The following SRRM2 variants were observed in gnomAD, a reference collection of about 807,000 sequenced individuals.
SRRM2 encodes serine/arginine repetitive matrix 2, also known as serine/arginine repetitive matrix protein 2.
SRRM2 carries 30 observed loss-of-function variants against 213.8 expected under a neutral mutation model. The observed-to-expected ratio is 0.14, with a 90% confidence interval of 0.10 to 0.19. The LOEUF (loss-of-function observed/expected upper bound fraction) is 0.19, where lower values mean the gene tolerates loss of function less well. Ranked by LOEUF, SRRM2 falls within the 10% of genes least tolerant of loss-of-function variation. SRRM2 has a pLI of 1.00. For missense variants in SRRM2, 4,904 were observed against 3,647.0 expected, an observed-to-expected ratio of 1.34 and a Z score of -8.88; for synonymous variants, 2,025 against 1,377.7, an observed-to-expected ratio of 1.47 and a Z score of -10.40.
rs1237409200 is a variant in SRRM2, at chr16:2,757,887, C to G, written c.457C>G (p.Pro153Ala). The change falls in exon 4 of 15, where the codon CCT (proline) becomes GCT (alanine). Residue 153 changes from proline (P) to alanine (A), a missense_variant. By Grantham distance (27) the Pro-to-Ala change is conservative. Transcript: ENST00000301740. ...TTACGTAGATGGCAGCTCTTTTGAT[C>G]CTCAGCGTCGTGCCCGAGAAGCTAA... is the stretch of plus-strand genomic sequence containing the variant. ...DSYVDGSSFD[P>A]QRRAREAKQP... is the part of the protein sequence containing the mutation. 2 of 1,614,052 alleles carry G rather than the reference C, an allele frequency of 1.2e-6. No individual in the cohort carries two copies. The highest frequency in any genetic ancestry group is 1.7e-6 in the Non-Finnish European group (2 of 1,180,028).
At chr16:2,768,869 CG>C in intron 11 of SRRM2, 127 bp from the exon 12 acceptor site, 2 of 1,537,914 alleles carry the variant, frequency 1.3e-6, no homozygotes, top group Non-Finnish European at 1.8e-6. Context: ...TGCTGGCTCA[CG>C]TGGCTCGGAG....
In SRRM2 at chr16:2,767,676, C is replaced by T. The variant is rs1414516397; in HGVS notation, c.7148C>T (p.Pro2383Leu). The T allele has an allele frequency of 6.2e-7, 1 of 1,613,966 alleles. No homozygotes were observed. Among genetic ancestry groups the T allele is most frequent in the Non-Finnish European group, 8.5e-7 (1 of 1,180,018 alleles). Reference protein sequence around the residue: ...PALSGANLTSPRVPLSAYERV... With the variant: ...PALSGANLTSLRVPLSAYERV... ...TTGTCTGGTGCAAACCTCACCAGCCCCAGGGTGCCCCTTTCTGCCTACGAG... is the reference window on the plus strand; with the variant it reads ...TTGTCTGGTGCAAACCTCACCAGCCTCAGGGTGCCCCTTTCTGCCTACGAG... The change falls in exon 11 of 15, where the codon CCC becomes CTC. Residue 2383 changes from proline (P) to leucine (L), a missense_variant. Physicochemically the swap from Pro to Leu is moderately conservative, Grantham distance 98. Coordinates refer to ENST00000301740, the MANE Select transcript of SRRM2 (RefSeq NM_016333.4).
Position 2,752,681 on chromosome 16 carries a change from G to A in SRRM2, c.-197G>A. On this transcript the variant is annotated 5_prime_UTR_variant, in exon 1 of 15. Coordinates refer to ENST00000301740, the MANE Select transcript of SRRM2 (RefSeq NM_016333.4). ...GCCCAGGCGGGGTGCGAGTGGCGCA[G>A]TTGGAGCCCGTTGCGGCCCCTGAGG... The A allele has an allele frequency of 3.2e-6, 1 of 308,806 alleles. No individual in the cohort carries two copies. Among genetic ancestry groups the A allele is most frequent in the Non-Finnish European group, 6.4e-6 (1 of 156,414 alleles). 19.1% of individuals were successfully genotyped at this position (308,806 alleles called of 1,614,324 possible).
In SRRM2 at chr16:2,770,939, G is replaced by C. The variant is rs769001794; in HGVS notation, c.*72G>C. The stretch of plus-strand genomic sequence containing the variant: ...GGAGTGTCCCTTCTTCCCCAGCAGA[G>C]CCGTGGGAGGGTCCTTGTCTGCTCT... On this transcript the variant is annotated 3_prime_UTR_variant, in exon 15 of 15. Transcript: ENST00000301740. 24 of 1,595,760 alleles carry C rather than the reference G, an allele frequency of 1.5e-5. No individual in the cohort carries two copies. Among genetic ancestry groups the C allele is most frequent in the Non-Finnish European group, 8.6e-7 (1 of 1,167,052 alleles).
Position 2,759,386 on chromosome 16 carries a change from G to A in SRRM2, c.724G>A (p.Asp242Asn), listed in dbSNP as rs1225155703. ...TCCAAAGAGCAAACGTAAATCTAAG[G>A]ACAAAAAGCGAAAGCGGTGAGTGAA... ...PTPKSKRKSK[D>N]KKRKRSRSTT... The change falls in exon 8 of 15, where the codon GAC becomes AAC. Residue 242 changes from aspartate (D) to asparagine (N), a missense_variant. Transcript: ENST00000301740. 2.5e-6 allele frequency: 4 copies of A among 1,594,070 alleles called. No individual in the cohort carries two copies. Among genetic ancestry groups the A allele is most frequent in the Admixed American group, 1.8e-5 (1 of 54,182 alleles).
chr16:2,763,567 G>A lies in SRRM2; in HGVS notation c.3039G>A (p.Lys1013=), dbSNP rs745628445. The change falls in exon 11 of 15, where the codon AAG becomes AAA. Residue 1013 remains lysine, a synonymous_variant. Coordinates refer to ENST00000301740, the MANE Select transcript of SRRM2 (RefSeq NM_016333.4). Reference sequence around the variant, plus strand: ...CGGGGCCAAGTCTTTCTGGATCAAAGTCACCATGTCCCCAAGAGAAGTCTA... The same window carrying A: ...CGGGGCCAAGTCTTTCTGGATCAAAATCACCATGTCCCCAAGAGAAGTCTA... ...TPPGPSLSGS[K]SPCPQEKSKD... is the part of the protein sequence containing the mutation. 1 of 1,614,140 alleles carries A rather than the reference G, an allele frequency of 6.2e-7. No homozygotes were observed. Among genetic ancestry groups the A allele is most frequent in the Non-Finnish European group, 8.5e-7 (1 of 1,180,028 alleles).
chr16:2,762,339 C>G lies in SRRM2; in HGVS notation c.1811C>G (p.Ser604Cys). ...TCCAGAACTCCCACCAGGCGTAGGT[C>G]TCGGTCTAGAACACCAGCCCGGAGG... is the stretch of plus-strand genomic sequence containing the variant. Reference protein sequence around the residue: ...SRSRTPTRRRSRSRTPARRGR... With the variant: ...SRSRTPTRRRCRSRTPARRGR... Residue 604 changes from serine to cysteine, a missense_variant, in exon 11 of 15, where the codon TCT becomes TGT. Ser to Cys is a moderately radical substitution (Grantham distance 112). Transcript: ENST00000301740. The G allele has an allele frequency of 6.2e-7, 1 of 1,614,048 alleles. No individual in the cohort carries two copies.
Position 2,770,630 on chromosome 16 carries a change from G to A in SRRM2, c.8162G>A (p.Arg2721Lys), listed in dbSNP as rs1345858184. The A allele has an allele frequency of 2.6e-6, 4 of 1,552,782 alleles. No homozygotes were observed. The Admixed American group carries it at 5.9e-5, about 23-fold the overall frequency. The change falls in exon 14 of 15, where the codon AGA becomes AAA. Residue 2721 changes from arginine (R) to lysine (K), a missense_variant. By Grantham distance (26) the Arg-to-Lys change is conservative. Coordinates refer to ENST00000301740, the MANE Select transcript of SRRM2 (RefSeq NM_016333.4). ...AGCAGCAGTGAGCGGGGTTCCCGGA[G>A]AGGCCAGCGTGGGGACAGCCGCTCC... Reference protein sequence around the residue: ...QSSSSERGSRRGQRGDSRSPS... With the variant: ...QSSSSERGSRKGQRGDSRSPS...
At position 2,768,745 on chromosome 16, in the gene SRRM2, C is replaced by G. The variant is rs915658968; in HGVS notation, c.7734-252C>G. Reference sequence around the variant, plus strand: ...CACACCTGAGCCCAGAGGCCTTATTCCTCCATCAGGGACATTCTTGAGGTT... The same window carrying G: ...CACACCTGAGCCCAGAGGCCTTATTGCTCCATCAGGGACATTCTTGAGGTT... On this transcript the variant is annotated intron_variant, in intron 11 of 14. Coordinates refer to ENST00000301740, the MANE Select transcript of SRRM2 (RefSeq NM_016333.4). 6.6e-6 allele frequency: 5 copies of G among 752,130 alleles called. No individual in the cohort carries two copies. The African/African-American group carries it at 8.6e-5, about 13-fold the overall frequency. 46.6% of individuals were successfully genotyped at this position (752,130 alleles called of 1,614,324 possible).
Position 2,771,136 on chromosome 16 carries a change from A to C in SRRM2, c.*269A>C, listed in dbSNP as rs1255681669. The C allele has an allele frequency of 1.3e-5, 8 of 621,160 alleles. No homozygotes were observed. The African/African-American group carries it at 1.5e-4, about 11-fold the overall frequency. 38.5% of individuals were successfully genotyped at this position (621,160 alleles called of 1,614,324 possible). A position where few individuals can be genotyped will look rare whatever the true frequency, so the allele number is the denominator to read the frequency against. The stretch of plus-strand genomic sequence containing the variant: ...GTTGGGGGAGGGGAGGATACAGTTC[A>C]GGATACCCCAGCCTGGAGTCAGGGC... On this transcript the variant is annotated 3_prime_UTR_variant, in exon 15 of 15. Coordinates refer to ENST00000301740, the MANE Select transcript of SRRM2 (RefSeq NM_016333.4).
At position 2,765,909 on chromosome 16, in the gene SRRM2, C is replaced by T. The variant is rs1200539381; in HGVS notation, c.5381C>T (p.Ser1794Phe). ...TTRRRDRSGS[S>F]QSTSRRRQRS... ...CGACGTCGAGATAGGTCTGGATCTTCTCAGTCAACCTCTCGGCGAAGACAG... is the reference window on the plus strand; with the variant it reads ...CGACGTCGAGATAGGTCTGGATCTTTTCAGTCAACCTCTCGGCGAAGACAG... The change falls in exon 11 of 15, where the codon TCT becomes TTT. Residue 1794 changes from serine to phenylalanine, a missense_variant. By Grantham distance (155) the Ser-to-Phe change is radical (BLOSUM62 -2). Transcript: ENST00000301740. The T allele has an allele frequency of 6.2e-7, 1 of 1,614,188 alleles. No homozygotes were observed. The highest frequency in any genetic ancestry group is 2.2e-5 in the East Asian group (1 of 44,870).
intron 11 of SRRM2, 78 bp from the exon 12 acceptor site, chr16:2,768,919 G>A (rs1168658262): frequency 2.5e-6 from 4 of 1,590,822 alleles, no homozygotes; most frequent in Non-Finnish European, 3.4e-6. Flanking sequence ...TCCCCCCACT[G>A]CCGTTCCTCC....
At position 2,758,946 on chromosome 16, in the gene SRRM2, A is replaced by G. The variant is rs775266460; in HGVS notation, c.594-39A>G. The G allele has an allele frequency of 7.4e-6, 12 of 1,612,594 alleles. No individual in the cohort carries two copies. The Admixed American group carries it at 2.0e-4, about 27-fold the overall frequency. ...TTGTAAGTGGGAGGGCCAGGAAAGA[A>G]GCCAAGCAGGATGAGCTTGCTTTTG... On this transcript the variant is annotated intron_variant, in intron 5 of 14. Transcript: ENST00000301740.
rs1164263064 is a variant in SRRM2, at chr16:2,765,415, T to A, written c.4887T>A (p.Pro1629=). ...DSSPEPKAPA[P]RALPRRSRSG... ...CTCCTGAACCTAAAGCTCCAGCCCC[T>A]CGGGCCCTTCCCAGACGAAGCAGAT... The change falls in exon 11 of 15, where the codon CCT becomes CCA. Residue 1629 remains proline, a synonymous_variant. Transcript: ENST00000301740. 1 of 1,613,992 alleles carries A rather than the reference T, an allele frequency of 6.2e-7. No individual in the cohort carries two copies. The highest frequency in any genetic ancestry group is 2.2e-5 in the East Asian group (1 of 44,866).
rs753880127 is a variant in SRRM2, at chr16:2,763,154, T to C, written c.2626T>C (p.Ser876Pro). Residue 876 changes from serine to proline, a missense_variant, in exon 11 of 15, where the codon TCA becomes CCA. Transcript: ENST00000301740. ...ACAGAGACGGAGCTGTTTTGAATCATCACCTGACCCTGAGTTGAAATCTAG... is the reference window on the plus strand; with the variant it reads ...ACAGAGACGGAGCTGTTTTGAATCACCACCTGACCCTGAGTTGAAATCTAG... ...TPQRRSCFES[S>P]PDPELKSRTP... 6 of 1,614,132 alleles carry C rather than the reference T, an allele frequency of 3.7e-6. No homozygotes were observed. Among genetic ancestry groups the C allele is most frequent in the Non-Finnish European group, 5.1e-6 (6 of 1,180,034 alleles).
At position 2,767,543 on chromosome 16, in the gene SRRM2, G is replaced by T; in HGVS notation, c.7015G>T (p.Val2339Leu). Residue 2339 changes from valine to leucine, a missense_variant, in exon 11 of 15, where the codon GTG becomes TTG. Val to Leu is a conservative substitution (Grantham distance 32). Transcript: ENST00000301740. ...ACAGGCTCCAGCCTCTGCAAACCTGGTGGGTCCTCGGTCTGCACATGCCAC... is the reference window on the plus strand; with the variant it reads ...ACAGGCTCCAGCCTCTGCAAACCTGTTGGGTCCTCGGTCTGCACATGCCAC... ...TPQAPASANLVGPRSAHATAP... is the reference protein window; with the variant it reads ...TPQAPASANLLGPRSAHATAP... 6.2e-7 allele frequency: 1 copy of T among 1,614,172 alleles called. No homozygotes were observed. The highest frequency in any genetic ancestry group is 8.5e-7 in the Non-Finnish European group (1 of 1,180,042).
At chr16:2,757,739 T>G in intron 3 of SRRM2, 42 bp from the exon 4 acceptor site, 1 of 1,609,544 alleles carries the variant, frequency 6.2e-7, no homozygotes, top group Non-Finnish European at 8.5e-7. Flanking sequence ...TATGGCTCTG[T>G]CCTTTATATT....
chr16:2,761,474 T>C, intron 10 of SRRM2, 87 bp from the exon 11 acceptor site: 4 of 1,142,390 alleles, frequency 3.5e-6, no homozygotes, highest in Non-Finnish European at 4.7e-6. Context: ...AGAAAAGTTA[T>C]CATTGGAAAG....
At chr16:2,768,819 C>A in intron 11 of SRRM2, 178 bp from the exon 12 acceptor site, 2 of 1,274,744 alleles carry the variant, frequency 1.6e-6, no homozygotes, top group Non-Finnish European at 2.2e-6. Context: ...CTTCTGTTAG[C>A]AGAGGTTGGG....
Sources: allele counts gnomAD v4.1 joint callset, GRCh38; gene constraint gnomAD v4.1.1; transcripts MANE v1.5; gene names NCBI Gene and HGNC (gene_info 2026-07-23, HGNC 2026-07-21).